The following SUN3 variants were observed in gnomAD, a reference collection of about 807,000 sequenced individuals.
The protein encoded by SUN3 is SUN domain-containing protein 3.
SUN3 carries 36 observed loss-of-function variants against 48.2 expected under a neutral mutation model. The ratio of observed to expected loss-of-function variants is 0.75; its 90% CI spans 0.57 to 0.99. The LOEUF is 0.99. Among genes scored for constraint, SUN3 ranks in the 50% least tolerant of loss-of-function variants. SUN3 has a pLI of 0.00. For synonymous variants in SUN3, 148 were observed against 147.9 expected (o/e 1.00, Z 0.00); for missense variants, 419 against 433.1 (o/e 0.97, Z 0.29).
chr7:48,013,390 G>T (rs1305974737), intron 3 of SUN3, among the ~76,000 whole-genome samples: 1 of 152,144 alleles, frequency 6.6e-6, no homozygotes, highest in African/African-American at 2.4e-5. Context: ...CCATTATCCT[G>T]TTCTCCATGG....
chr7:48,017,457 G>A (rs1789844321), intron 2 of SUN3, 92 bp from the exon 3 acceptor site: 1 of 727,532 alleles, frequency 1.4e-6, no homozygotes. Flanking sequence ...TAAACATGAA[G>A]AATATGTATA....
chr7:48,023,720 A>C (rs1562614363), intron 2 of SUN3, among the ~76,000 whole-genome samples: 1 of 152,222 alleles, frequency 6.6e-6, no homozygotes. Flanking sequence ...GAAATTTATA[A>C]AACATGGCTG....
At chr7:48,026,690 G>T (rs1310187887) in intron 1 of SUN3, among the ~76,000 whole-genome samples, 2 of 151,954 alleles carry the variant, frequency 1.3e-5, no homozygotes, top group Non-Finnish European at 2.9e-5. Context: ...GGGTAAAAGA[G>T]GTTATGAGTG....
At chr7:48,021,166 A>T (rs1418367248) in intron 2 of SUN3, among the ~76,000 whole-genome samples, 1 of 152,156 alleles carries the variant, frequency 6.6e-6, no homozygotes, top group African/African-American at 2.4e-5. Context: ...GGGAAATCAT[A>T]GTCTCTTCAA....
upstream of SUN3, among the ~76,000 whole-genome samples, chr7:48,031,356 G>A (rs1790253915): frequency 2.0e-5 from 3 of 152,136 alleles, no homozygotes; most frequent in African/African-American, 7.2e-5. Flanking sequence ...CTGTTAGGAT[G>A]GCTATTATAA....
rs1486196584 is a variant in SUN3 at position 48,028,987 on chromosome 7, G to T, written c.-49C>A. 5.6e-6 allele frequency: 9 copies of T among 1,610,292 alleles called. No individual in the cohort carries two copies. The East Asian group carries it at 2.0e-4, about 36-fold the overall frequency. ...GCTGGTAGGATGAAGAGCAACATTT[G>T]TCCTCATTCCTATTTTATGAAAAAC... On this transcript the variant is annotated 5_prime_UTR_variant, in exon 1 of 10. Coordinates refer to ENST00000297325, the MANE Select transcript of SUN3 (RefSeq NM_001030019.2).
At chr7:48,005,150 G>A (rs1437409265) in intron 6 of SUN3, among the ~76,000 whole-genome samples, 1 of 152,162 alleles carries the variant, frequency 6.6e-6, no homozygotes, top group Non-Finnish European at 1.5e-5. Flanking sequence ...CATTAAAAAA[G>A]TGTATCAGAA....
chr7:47,990,034 C>T (rs1789009062), intron 8 of SUN3, among the ~76,000 whole-genome samples: 1 of 152,214 alleles, frequency 6.6e-6, no homozygotes, highest in South Asian at 2.1e-4. Flanking sequence ...ATGTGATAGT[C>T]TGAAATATGG....
intron 6 of SUN3, among the ~76,000 whole-genome samples, chr7:47,998,371 A>G (rs936887656): frequency 6.6e-6 from 1 of 152,182 alleles, no homozygotes; most frequent in Non-Finnish European, 1.5e-5. Flanking sequence ...ATCTTCTTTA[A>G]TGAAGTGTCT....
At chr7:48,003,141 G>C (rs988281846) in intron 6 of SUN3, among the ~76,000 whole-genome samples, 1 of 152,050 alleles carries the variant, frequency 6.6e-6, no homozygotes, top group East Asian at 1.9e-4. Context: ...CATATGGCTA[G>C]CCAGTTATTC....
chr7:48,007,134 C>CCAACCG (rs1302370108), intron 5 of SUN3, 31 bp downstream of exon 5: 2 of 1,592,988 alleles, frequency 1.3e-6, no homozygotes, highest in Admixed American at 1.7e-5. Context: ...ACCACCCCAC[C>CCAACCG]CTGCCCAACC....
At chr7:47,997,969 G>A (rs752616336) in intron 6 of SUN3, among the ~76,000 whole-genome samples, 5 of 152,184 alleles carry the variant, frequency 3.3e-5, no homozygotes, top group Non-Finnish European at 5.9e-5. Flanking sequence ...GAATGCATCC[G>A]TTAGTCTTTG....
At chr7:48,000,046 C>T (rs937527879) in intron 6 of SUN3, 2 of 152,204 alleles carry the variant, frequency 1.3e-5, no homozygotes, top group African/African-American at 4.8e-5. Flanking sequence ...CATATATTAG[C>T]CCTCCACGCC....
At chr7:48,002,246 G>A (rs1583755977) in intron 6 of SUN3, among the ~76,000 whole-genome samples, 1 of 121,164 alleles carries the variant, frequency 8.3e-6, no homozygotes. Flanking sequence ...TGCAAGCTCC[G>A]CCTCCCGGGT....
intron 8 of SUN3, 140 bp from the exon 9 acceptor site, chr7:47,989,020 C>A: frequency 4.0e-6 from 2 of 501,048 alleles, no homozygotes; most frequent in Non-Finnish European, 7.1e-6. Context: ...AACCTATACA[C>A]CCAGAGGATA....
intron 3 of SUN3, 23 bp downstream of exon 3, chr7:48,017,239 A>G: frequency 7.3e-7 from 1 of 1,365,130 alleles, no homozygotes; most frequent in Non-Finnish European, 1.0e-6. Context: ...AGTGATATAC[A>G]AAATTACTTA....
At chr7:48,010,417 T>C (rs1435422032) in intron 3 of SUN3, among the ~76,000 whole-genome samples, 1 of 152,164 alleles carries the variant, frequency 6.6e-6, no homozygotes, top group East Asian at 1.9e-4. Context: ...GCTCCTGACA[T>C]CCTTTCTTTA....
Position 48,025,900 on chromosome 7 carries a change from A to G in SUN3, c.161T>C (p.Leu54Pro), listed in dbSNP as rs765446589. 2.5e-5 allele frequency: 40 copies of G among 1,602,996 alleles called. No homozygotes were observed. Among genetic ancestry groups the G allele is most frequent in the Admixed American group, 1.7e-4 (10 of 59,172 alleles). Residue 54 changes from leucine (L) to proline (P), a missense_variant, in exon 2 of 10, where the codon CTT becomes CCT. By Grantham distance (98) the Leu-to-Pro change is moderately conservative. Transcript: ENST00000297325. ...ACCTACAAGAAGAAAAGTCAGTGTA[A>G]GCATTGTACTTAGAATAATCTTCCA... is the stretch of plus-strand genomic sequence containing the variant. ...RSWKIILSTM[L>P]TLTFLLVGLL...
intron 1 of SUN3, among the ~76,000 whole-genome samples, chr7:48,027,380 A>G (rs140011945): frequency 6.6e-6 from 1 of 152,280 alleles, no homozygotes; most frequent in Non-Finnish European, 1.5e-5. Flanking sequence ...CAAGAGAGAC[A>G]TTGATGGGTC....
Sources: gnomAD v4.1 joint callset for allele counts (sites outside exome capture counted in the v4.1 genomes callset) on GRCh38, gnomAD v4.1.1 for gene constraint, MANE v1.5 for transcripts, NCBI Gene and HGNC (gene_info 2026-07-23, HGNC 2026-07-21) for gene names.